MAGI1: variants seen among roughly 807,000 people sequenced by gnomAD.
The protein encoded by MAGI1 is membrane associated guanylate kinase, WW and PDZ domain containing 1.
A neutral mutation model predicts 139.9 loss-of-function variants in MAGI1; 58 were observed. The ratio of observed to expected loss-of-function variants is 0.41; its 90% CI spans 0.34 to 0.52. The LOEUF (loss-of-function observed/expected upper bound fraction) is 0.52, where lower values mean the gene tolerates loss of function less well. Among genes scored for constraint, MAGI1 ranks in the 20% least tolerant of loss-of-function variants. The pLI, the probability that MAGI1 is intolerant of heterozygous loss-of-function variation, is 0.12. For synonymous variants in MAGI1, 812 were observed against 737.9 expected, an observed-to-expected ratio of 1.10 and a Z score of -1.63; for missense variants, 1,874 against 1,901.6, an observed-to-expected ratio of 0.99 and a Z score of 0.27.
At chr3:65,618,333 AG>A (rs1040292208) in intron 2 of MAGI1, among the ~76,000 whole-genome samples, 3 of 152,198 alleles carry the variant, frequency 2.0e-5, no homozygotes, top group Non-Finnish European at 2.9e-5. Context: ...AGGTACACAA[AG>A]AAAAGATCTA....
At chr3:65,507,156 G>T (rs1293284254) in intron 2 of MAGI1, among the ~76,000 whole-genome samples, 1 of 152,152 alleles carries the variant, frequency 6.6e-6, no homozygotes, top group Non-Finnish European at 1.5e-5. Flanking sequence ...ACCTGTGCAT[G>T]GTCTTCATAG....
chr3:65,531,266 G>A (rs1308850686), intron 2 of MAGI1, among the ~76,000 whole-genome samples: 1 of 151,958 alleles, frequency 6.6e-6, no homozygotes, highest in African/African-American at 2.4e-5. Flanking sequence ...TATAGCTAGG[G>A]TTGTCATCTG....
intron 1 of MAGI1, among the ~76,000 whole-genome samples, chr3:65,931,650 A>C (rs60019026): frequency 0.022 from 3,296 of 152,272 alleles, 82 homozygotes; most frequent in African/African-American, 0.061. Context: ...GGTGACAGAG[A>C]AAGACCTTGT....
At chr3:65,925,861 G>A (rs1171263519) in intron 1 of MAGI1, among the ~76,000 whole-genome samples, 1 of 152,048 alleles carries the variant, frequency 6.6e-6, no homozygotes, top group Non-Finnish European at 1.5e-5. Context: ...TGTATTTTTT[G>A]TAGAGACAGT....
chr3:65,873,129 C>A (rs1427569231), intron 1 of MAGI1: 1 of 152,162 alleles, frequency 6.6e-6, no homozygotes, highest in Non-Finnish European at 1.5e-5. Context: ...TTCCAAGGTT[C>A]TGGGGCAGCG....
chr3:65,362,590 A>T (rs141830601), intron 21 of MAGI1, among the ~76,000 whole-genome samples: 60 of 152,312 alleles, frequency 3.9e-4, no homozygotes, highest in South Asian at 3.9e-3. Flanking sequence ...CTCAATTTTA[A>T]ATGTTAAAAA....
intron 2 of MAGI1, among the ~76,000 whole-genome samples, chr3:65,526,010 C>T (rs1478287360): frequency 6.6e-6 from 1 of 152,158 alleles, no homozygotes; most frequent in Non-Finnish European, 1.5e-5. Flanking sequence ...GCTTCCTAAT[C>T]TTTGCAAAAA....
Position 65,405,234 on chromosome 3 carries a change from G to A in MAGI1, c.2168-3764C>T, listed in dbSNP as rs73832833. On this transcript the variant is annotated intron_variant, in intron 12 of 22. Coordinates refer to ENST00000402939, the MANE Select transcript of MAGI1 (RefSeq NM_001033057.2). ...AAAATGGTGTCATTTTGGAAAAAACGAATGGCAAATTCTTTGCTAGTGACT... is the reference window on the plus strand; with the variant it reads ...AAAATGGTGTCATTTTGGAAAAAACAAATGGCAAATTCTTTGCTAGTGACT... Among the ~76,000 whole-genome samples, 817 of 152,226 alleles carry A rather than the reference G, an allele frequency of 5.4e-3. 9 individuals are homozygous for A. The highest frequency in any genetic ancestry group is 0.019 in the African/African-American group (785 of 41,534).
chr3:66,016,987 G>A (rs1489224848), intron 1 of MAGI1, among the ~76,000 whole-genome samples: 2 of 152,184 alleles, frequency 1.3e-5, no homozygotes, highest in Non-Finnish European at 2.9e-5. Flanking sequence ...GGGGCCAGGG[G>A]AAAGGGGAAT....
intron 2 of MAGI1, among the ~76,000 whole-genome samples, chr3:65,512,970 G>C (rs1400766288): frequency 7.5e-6 from 1 of 132,646 alleles, no homozygotes; most frequent in Non-Finnish European, 1.6e-5. Context: ...GATCAAGTGG[G>C]CTTCATCCCT....
chr3:65,992,606 T>G (rs1026421977), intron 1 of MAGI1, among the ~76,000 whole-genome samples: 1 of 152,158 alleles, frequency 6.6e-6, no homozygotes, highest in African/African-American at 2.4e-5. Context: ...CAGATTATCA[T>G]CTAATACATC....
At chr3:65,709,514 C>T (rs2030999576) in intron 1 of MAGI1, among the ~76,000 whole-genome samples, 1 of 152,134 alleles carries the variant, frequency 6.6e-6, no homozygotes, top group African/African-American at 2.4e-5. Context: ...ATATTTAAAC[C>T]TCTTTTAGGA....
intron 1 of MAGI1, among the ~76,000 whole-genome samples, chr3:65,852,052 G>C (rs1346347113): frequency 6.6e-6 from 1 of 152,128 alleles, no homozygotes; most frequent in East Asian, 1.9e-4. Context: ...GCTGGAAGTG[G>C]GAAGGCTCAA....
intron 2 of MAGI1, among the ~76,000 whole-genome samples, chr3:65,607,552 T>A (rs1243776325): frequency 6.6e-6 from 1 of 151,788 alleles, no homozygotes; most frequent in Non-Finnish European, 1.5e-5. Context: ...GCTTTGCAAA[T>A]GAAAAAAAAC....
Position 65,733,549 on chromosome 3 carries a change from A to G in MAGI1, c.314-111461T>C, listed in dbSNP as rs1384891015. Among the ~76,000 whole-genome samples, 3 of 152,224 alleles carry G rather than the reference A, an allele frequency of 2.0e-5. No homozygotes were observed. The East Asian group carries it at 5.8e-4, about 29-fold the overall frequency. On this transcript the variant is annotated intron_variant, in intron 1 of 22. Coordinates refer to ENST00000402939, the MANE Select transcript of MAGI1 (RefSeq NM_001033057.2). ...CAGTGGCAACTGCAATCCAAGAGAA[A>G]AACCAGAGAAGGAAACCTCATCCAT...
rs747801179 is a variant in MAGI1, at chr3:65,381,954, A to G, written c.2624T>C (p.Leu875Pro). Residue 875 changes from leucine (L) to proline (P), a missense_variant, in exon 16 of 23, where the codon CTT (leucine) becomes CCT (proline). Transcript: ENST00000402939. Reference protein sequence around the residue: ...GTPVIGKSHQLVVQLMQQAAK... With the variant: ...GTPVIGKSHQPVVQLMQQAAK... ...AGCTTGTTGCATAAGCTGGACCACA[A>G]GCTGGTGTGATTTTCCAATTACTGG... 57 of 1,614,048 alleles carry G rather than the reference A, an allele frequency of 3.5e-5. No individual in the cohort carries two copies. The Admixed American group carries it at 8.8e-4, about 25-fold the overall frequency.
intron 1 of MAGI1, among the ~76,000 whole-genome samples, chr3:65,840,721 T>C (rs930635155): frequency 2.0e-5 from 3 of 152,132 alleles, no homozygotes; most frequent in African/African-American, 4.8e-5. Context: ...TCATGAGGGA[T>C]ATTGTTCTGT....
In MAGI1 at chr3:65,893,989, C is replaced by T. The variant is rs1336515111; in HGVS notation, c.313+144007G>A. ...GGCTCCTTGAGCTCCCCTGCAGCCT[C>T]CTAGCTGGTTTCCAAAGTCAAGTGT... On this transcript the variant is annotated intron_variant, in intron 1 of 22. Coordinates refer to ENST00000402939, the MANE Select transcript of MAGI1 (RefSeq NM_001033057.2). 6 of 152,150 alleles carry T rather than the reference C, an allele frequency of 3.9e-5. No homozygotes were observed. The East Asian group carries it at 1.2e-3, about 29-fold the overall frequency. 9.4% of individuals were successfully genotyped at this position (152,150 alleles called of 1,614,324 possible). A position where few individuals can be genotyped will look rare whatever the true frequency, so the allele number is the denominator to read the frequency against.
At chr3:65,511,898 G>C (rs1199120212) in intron 2 of MAGI1, among the ~76,000 whole-genome samples, 2 of 110,648 alleles carry the variant, frequency 1.8e-5, no homozygotes, top group African/African-American at 6.9e-5. Flanking sequence ...TGACCACATA[G>C]TTGGAAGTAA....
Sources: gnomAD v4.1 joint callset for allele counts (sites outside exome capture counted in the v4.1 genomes callset) on GRCh38, gnomAD v4.1.1 for gene constraint, MANE v1.5 for transcripts, NCBI Gene and HGNC (gene_info 2026-07-23, HGNC 2026-07-21) for gene names.